Variants in LRP1B observed in about 807,000 individuals in gnomAD.
The protein encoded by LRP1B is LDL receptor related protein 1B.
A neutral mutation model predicts 556.6 loss-of-function variants in LRP1B; 217 were observed. The observed-to-expected ratio is 0.39, with a 90% CI of 0.35 to 0.44. LRP1B has a LOEUF of 0.44. Among genes scored for constraint, LRP1B ranks in the 20% least tolerant of loss-of-function variants. The pLI is 1.00. For missense variants in LRP1B, 5,053 were observed against 5,620.8 expected (o/e 0.90, Z 3.23); for synonymous variants, 2,047 against 1,865.8 (o/e 1.10, Z -2.50).
chr2:141,304,593 C>T (rs1049239703), intron 3 of LRP1B, among the ~76,000 whole-genome samples: 9 of 150,906 alleles, frequency 6.0e-5, no homozygotes, highest in Non-Finnish European at 1.5e-5. Flanking sequence ...AATTATCCTG[C>T]CTCAGCCTAC....
chr2:141,141,649 G>T (rs1251862545), intron 7 of LRP1B, among the ~76,000 whole-genome samples: 2 of 152,048 alleles, frequency 1.3e-5, no homozygotes, highest in South Asian at 2.1e-4. Context: ...GACCTTGTAT[G>T]AATATTAAAT....
At chr2:141,648,018 C>T (rs143902961) in intron 2 of LRP1B, among the ~76,000 whole-genome samples, 18 of 151,854 alleles carry the variant, frequency 1.2e-4, no homozygotes, top group Non-Finnish European at 1.9e-4. Context: ...GGAATTCTGG[C>T]AGAGTATCCT....
At position 140,324,870 on chromosome 2, in the gene LRP1B, CTTT is replaced by C. The variant is rs36073920; in HGVS notation, c.12341-807_12341-805del. Among the ~76,000 whole-genome samples the C allele has an allele frequency of 1.0e-3, 141 of 136,788 alleles. 1 individual carries two copies. The highest frequency in any genetic ancestry group is 3.6e-3 in the African/African-American group (132 of 37,172). 89.7% of individuals were successfully genotyped at this position (136,788 alleles called of 152,430 possible). ...TTGTAATTAATTACAGGGATCTGAA[CTTT>C]TTTTTTTTTTTTCCATCTGAGGCCA... On this transcript the variant is annotated intron_variant, in intron 80 of 90. Transcript: ENST00000389484.
chr2:141,001,798 ATGCATG>A (rs1228539905), intron 15 of LRP1B, among the ~76,000 whole-genome samples: 18 of 152,158 alleles, frequency 1.2e-4, no homozygotes, highest in African/African-American at 3.1e-4. Context: ...GCGCACGCAT[ATGCATG>A]TGCATGTACT....
chr2:141,527,064 T>C (rs1376161895), intron 2 of LRP1B, among the ~76,000 whole-genome samples: 1 of 152,116 alleles, frequency 6.6e-6, no homozygotes, highest in Non-Finnish European at 1.5e-5. Flanking sequence ...CTGTACCTAG[T>C]CATGGGGTGG....
intron 3 of LRP1B, among the ~76,000 whole-genome samples, chr2:141,345,221 C>T (rs763077990): frequency 4.0e-5 from 6 of 150,702 alleles, no homozygotes; most frequent in Non-Finnish European, 8.8e-5. Context: ...TTCCACAAAG[C>T]AACACACCAA....
Position 140,536,716 on chromosome 2 carries a change from G to GAA in LRP1B, c.7514-9_7514-8dup, listed in dbSNP as rs748331070. ...TTGCAGGAGGAATTTTTAGCTGCAAGAAAAAAAAAAAAAGTCAATACTTTT... is the reference window on the plus strand; with the variant it reads ...TTGCAGGAGGAATTTTTAGCTGCAAGAAAAAAAAAAAAAAAGTCAATACTTTT... On this transcript the variant is annotated splice_region_variant and splice_polypyrimidine_tract_variant and intron_variant, in intron 45 of 90. Coordinates refer to ENST00000389484, the MANE Select transcript of LRP1B (RefSeq NM_018557.3). 1,145 of 1,248,584 alleles carry GAA rather than the reference G, an allele frequency of 9.2e-4. No individual in the cohort carries two copies. Among genetic ancestry groups the GAA allele is most frequent in the Middle Eastern group, 2.6e-3 (12 of 4,574 alleles). 77.3% of individuals were successfully genotyped at this position (1,248,584 alleles called of 1,614,324 possible). A position where few individuals can be genotyped will look rare whatever the true frequency, so the allele number is the denominator to read the frequency against.
chr2:140,765,307 G>A (rs1413248041), intron 35 of LRP1B, among the ~76,000 whole-genome samples: 1 of 152,118 alleles, frequency 6.6e-6, no homozygotes, highest in Non-Finnish European at 1.5e-5. Context: ...ATTCTGAGTA[G>A]AATGTCCTCT....
chr2:140,715,497 GT>G (rs1687178124), intron 37 of LRP1B, among the ~76,000 whole-genome samples: 1 of 151,910 alleles, frequency 6.6e-6, no homozygotes, highest in Admixed American at 6.6e-5. Context: ...AAAACAGTTA[GT>G]TATACTTATT....
At chr2:141,413,634 G>T (rs987862159) in intron 3 of LRP1B, among the ~76,000 whole-genome samples, 2 of 152,180 alleles carry the variant, frequency 1.3e-5, no homozygotes, top group East Asian at 3.9e-4. Context: ...AGGATTGGTT[G>T]CATGCAGTGA....
chr2:141,776,035 A>T (rs1174546253), intron 2 of LRP1B, among the ~76,000 whole-genome samples: 4 of 151,540 alleles, frequency 2.6e-5, no homozygotes, highest in Non-Finnish European at 1.5e-5. Context: ...TTTAGTAGAG[A>T]CGGGGTTTCA....
chr2:140,625,245 G>A (rs932578834), intron 41 of LRP1B, among the ~76,000 whole-genome samples: 1 of 152,184 alleles, frequency 6.6e-6, no homozygotes, highest in African/African-American at 2.4e-5. Context: ...AATGGAGTTA[G>A]TGATAAATGA....
At chr2:141,358,780 G>A (rs1190147964) in intron 3 of LRP1B, among the ~76,000 whole-genome samples, 2 of 152,184 alleles carry the variant, frequency 1.3e-5, no homozygotes, top group African/African-American at 4.8e-5. Context: ...ATCATGCTTT[G>A]ATAGAGATGA....
At chr2:141,462,528 C>G (rs1681917346) in intron 3 of LRP1B, among the ~76,000 whole-genome samples, 2 of 151,892 alleles carry the variant, frequency 1.3e-5, no homozygotes, top group South Asian at 4.2e-4. Flanking sequence ...AGCATTAGGA[C>G]AAATACCTAA....
chr2:141,563,426 C>A (rs554154490), intron 2 of LRP1B, among the ~76,000 whole-genome samples: 1 of 151,968 alleles, frequency 6.6e-6, no homozygotes, highest in African/African-American at 2.4e-5. Context: ...TTTAAGAAAA[C>A]AGGATGAAGG....
chr2:141,002,324 G>A (rs75964970), intron 15 of LRP1B, among the ~76,000 whole-genome samples: 2,110 of 152,074 alleles, frequency 0.014, 71 homozygotes, highest in East Asian at 0.13. Context: ...ATTTTAAAGG[G>A]AGATTTTGTT....
At chr2:141,579,091 T>C (rs2105276220) in intron 2 of LRP1B, among the ~76,000 whole-genome samples, 1 of 152,318 alleles carries the variant, frequency 6.6e-6, no homozygotes, top group East Asian at 1.9e-4. Flanking sequence ...ATATTGGATA[T>C]ACCTATACAT....
chr2:140,963,490 G>A (rs1460729937), intron 18 of LRP1B, among the ~76,000 whole-genome samples: 1 of 151,952 alleles, frequency 6.6e-6, no homozygotes, highest in Non-Finnish European at 1.5e-5. Flanking sequence ...TAATGCTGCT[G>A]AAGTCTCTAA....
At chr2:141,956,443 A>G (rs1036698126) in intron 1 of LRP1B, among the ~76,000 whole-genome samples, 1 of 151,964 alleles carries the variant, frequency 6.6e-6, no homozygotes, top group African/African-American at 2.4e-5. Context: ...TCTTTTTCCT[A>G]CTTAATTTTG....
Sources: gnomAD v4.1 joint callset for allele counts (sites outside exome capture counted in the v4.1 genomes callset) on GRCh38, gnomAD v4.1.1 for gene constraint, MANE v1.5 for transcripts, NCBI Gene and HGNC (gene_info 2026-07-23, HGNC 2026-07-21) for gene names.